Variants in CSF2RA observed in about 807,000 individuals in gnomAD.
The protein encoded by CSF2RA is colony stimulating factor 2 receptor subunit alpha.
A neutral mutation model predicts 51.6 loss-of-function variants in CSF2RA; 42 were observed. The ratio of observed to expected loss-of-function variants is 0.81; its 90% confidence interval spans 0.64 to 1.05. CSF2RA has a LOEUF of 1.05. Among genes scored for constraint, CSF2RA ranks in the 50% least tolerant of loss-of-function variants. The pLI is 0.00. For synonymous variants in CSF2RA, 222 were observed against 193.0 expected (o/e 1.15, Z -1.24); for missense variants, 530 against 501.1 (o/e 1.06, Z -0.55).
chrX:1,305,299 AT>A (rs1278279543), intron 11 of CSF2RA, 146 bp from the exon 12 acceptor site: 4 of 917,172 alleles, frequency 4.4e-6, no homozygotes, highest in Non-Finnish European at 7.1e-6. Context: ...GTTCCTTAAG[AT>A]TTTCGTCACT....
In CSF2RA at chrX:1,288,762, G is replaced by T. The variant is rs1226419238; in HGVS notation, c.347G>T (p.Arg116Met). Residue 116 changes from arginine to methionine, a missense_variant, in exon 6 of 13, where the codon AGG (arginine) becomes ATG (methionine). Transcript: ENST00000381529. ...QQKLLYPNSG[R>M]EGTAAQNFSC... ...TTTTGTTTCTACCTCTTCCCAGGAA[G>T]GGAGGGTACCGCTGCTCAGAATTTC... is the stretch of plus-strand genomic sequence containing the variant. The T allele has an allele frequency of 6.2e-7, 1 of 1,613,932 alleles. No individual in the cohort carries two copies. Among genetic ancestry groups the T allele is most frequent in the Admixed American group, 1.7e-5 (1 of 59,980 alleles).
At chrX:1,313,331 G>A (rs1441296584), downstream of CSF2RA, among the ~76,000 whole-genome samples, 1 of 152,094 alleles carries the variant, frequency 6.6e-6, no homozygotes, top group Non-Finnish European at 1.5e-5. Flanking sequence ...CTACTCAGGA[G>A]GCTGAGGCAG....
downstream of CSF2RA, among the ~76,000 whole-genome samples, chrX:1,314,970 G>T (rs1203142826): frequency 3.5e-4 from 39 of 112,662 alleles, 3 homozygotes; most frequent in African/African-American, 1.1e-3. Context: ...CAACCCCACT[G>T]TGCCTGCCCA....
chrX:1,292,352 A>G (rs2091486744), intron 7 of CSF2RA, among the ~76,000 whole-genome samples: 2 of 152,204 alleles, frequency 1.3e-5, no homozygotes, highest in South Asian at 4.1e-4. Flanking sequence ...AGACTGAGAA[A>G]AGAAATAAGA....
At position 1,309,431 on chromosome X, in the gene CSF2RA, A is replaced by G. The variant is rs751154008; in HGVS notation, c.1155A>G (p.Glu385=). The stretch of plus-strand genomic sequence containing the variant: ...TCTGGGAGGAATTCACCCCAGAGGA[A>G]GGGAAAGGCTACCGCGAAGAGGTCT... ...EIIWEEFTPE[E]GKGYREEVLT... The change falls in exon 13 of 13, where the codon GAA becomes GAG. Residue 385 remains glutamate, a synonymous_variant. Coordinates refer to ENST00000381529, the MANE Select transcript of CSF2RA (RefSeq NM_172245.4). 6.2e-7 allele frequency: 1 copy of G among 1,613,982 alleles called. No homozygotes were observed. The highest frequency in any genetic ancestry group is 1.1e-5 in the South Asian group (1 of 91,080).
At chrX:1,273,066 C>A (rs185289144) in intron 1 of CSF2RA, among the ~76,000 whole-genome samples, 455 of 151,788 alleles carry the variant, frequency 3.0e-3, no homozygotes, top group African/African-American at 9.4e-3. Context: ...GTGATCCACA[C>A]GCCTCAGCCT....
chrX:1,302,179 G>T (rs1453241049), intron 10 of CSF2RA, among the ~76,000 whole-genome samples: 2 of 152,054 alleles, frequency 1.3e-5, no homozygotes, highest in Admixed American at 6.6e-5. Flanking sequence ...CCCTCCCAAA[G>T]TGCTGCAATG....
intron 4 of CSF2RA, among the ~76,000 whole-genome samples, chrX:1,287,450 C>T (rs1336713796): frequency 1.4e-5 from 2 of 145,180 alleles, no homozygotes; most frequent in East Asian, 2.1e-4. Context: ...CCGTGTCCGA[C>T]CTTTATTTTT....
downstream of CSF2RA, among the ~76,000 whole-genome samples, chrX:1,311,597 C>G (rs1222441999): frequency 1.3e-5 from 2 of 151,844 alleles, no homozygotes; most frequent in African/African-American, 4.9e-5. Context: ...CCATTCCCGG[C>G]TACTTTTTTT....
intron 4 of CSF2RA, among the ~76,000 whole-genome samples, chrX:1,287,397 C>T (rs1191556204): frequency 2.0e-5 from 3 of 148,054 alleles, no homozygotes; most frequent in African/African-American, 5.0e-5. Flanking sequence ...CGTGATCCAC[C>T]CTCCTTGGCC....
intron 4 of CSF2RA, among the ~76,000 whole-genome samples, chrX:1,286,280 G>A (rs62603277): frequency 0.22 from 31,120 of 143,362 alleles, 3,310 homozygotes; most frequent in Middle Eastern, 0.37. Context: ...CTCATAAAAT[G>A]CAATAAGGCC....
At chrX:1,282,803 C>T in intron 3 of CSF2RA, 24 bp downstream of exon 3, 2 of 1,596,544 alleles carry the variant, frequency 1.3e-6, no homozygotes. Flanking sequence ...CCTGGCTGAA[C>T]CTTCTCCGCG....
intron 7 of CSF2RA, among the ~76,000 whole-genome samples, chrX:1,293,261 C>T (rs1228522554): frequency 2.0e-5 from 3 of 152,138 alleles, no homozygotes; most frequent in South Asian, 2.1e-4. Context: ...GTCGCCCACC[C>T]AGGCTGGAGG....
rs756778560 is a variant in CSF2RA, at chrX:1,305,603, G to A, written c.1125+76G>A. On this transcript the variant is annotated intron_variant, in intron 12 of 12. Coordinates refer to ENST00000381529, the MANE Select transcript of CSF2RA (RefSeq NM_172245.4). The stretch of plus-strand genomic sequence containing the variant: ...GGAGCGTGGGACACGGCCTCTGGGT[G>A]TCGACCATCTTGCTTCTCCACCAGA... 15 of 1,613,790 alleles carry A rather than the reference G, an allele frequency of 9.3e-6. No homozygotes were observed. In the South Asian group the frequency reaches 1.6e-4, roughly 18 times the overall value.
At chrX:1,316,001 CAGAT>C in the CSF2RA span, among the ~76,000 whole-genome samples, 72,447 of 147,706 alleles carry the variant, frequency 0.49, 18,126 homozygotes, top group Non-Finnish European at 0.56. Context: ...GATGGATAGA[CAGAT>C]AGATAGATAT....
At chrX:1,278,102 G>A (rs1384085959) in intron 2 of CSF2RA, among the ~76,000 whole-genome samples, 34 of 149,446 alleles carry the variant, frequency 2.3e-4, no homozygotes, top group African/African-American at 8.1e-4. Flanking sequence ...GGGAGCCCGA[G>A]GCAGGTGGAT....
chrX:1,276,157 C>T (rs1213475961), intron 2 of CSF2RA, among the ~76,000 whole-genome samples: 2 of 147,030 alleles, frequency 1.4e-5, no homozygotes, highest in African/African-American at 5.2e-5. Flanking sequence ...TACGCCACCA[C>T]GCCTGGCTAA....
At chrX:1,286,553 G>C (rs1172686144) in intron 4 of CSF2RA, among the ~76,000 whole-genome samples, 3 of 146,004 alleles carry the variant, frequency 2.1e-5, no homozygotes, top group African/African-American at 7.7e-5. Context: ...TGGGCAACAA[G>C]AGCAAAACTC....
intron 6 of CSF2RA, 84 bp from the exon 7 acceptor site, chrX:1,290,253 T>C: frequency 8.7e-7 from 1 of 1,148,294 alleles, no homozygotes; most frequent in South Asian, 1.3e-5. Flanking sequence ...GTGTTTTGTT[T>C]TGTGTTTGTT....
Sources: gnomAD v4.1 joint callset for allele counts (sites outside exome capture counted in the v4.1 genomes callset) on GRCh38, gnomAD v4.1.1 for gene constraint, MANE v1.5 for transcripts, NCBI Gene and HGNC (gene_info 2026-07-23, HGNC 2026-07-21) for gene names.